The following CNTN5 variants were observed in gnomAD, a reference collection of about 807,000 sequenced individuals.
CNTN5 encodes the protein contactin 5, also known as contactin-5.
CNTN5 carries 77 observed loss-of-function variants against 129.1 expected under a neutral mutation model. The observed-to-expected ratio is 0.60, with a 90% CI of 0.50 to 0.72. The LOEUF (loss-of-function observed/expected upper bound fraction) is 0.72, where lower values mean the gene tolerates loss of function less well. Among genes scored for constraint, CNTN5 ranks in the 30% least tolerant of loss-of-function variants. CNTN5 has a pLI of 0.00. For synonymous variants in CNTN5, 509 were observed against 465.6 expected (o/e 1.09, Z -1.20); for missense variants, 1,478 against 1,328.8 (o/e 1.11, Z -1.75).
At chr11:99,895,967 T>A (rs1489587269) in intron 6 of CNTN5, among the ~76,000 whole-genome samples, 1 of 152,178 alleles carries the variant, frequency 6.6e-6, no homozygotes, top group Non-Finnish European at 1.5e-5. Flanking sequence ...AGCTCCTTAG[T>A]AGGTGGGACT....
intron 13 of CNTN5, among the ~76,000 whole-genome samples, chr11:100,148,732 C>T (rs1946942661): frequency 7.2e-6 from 1 of 138,432 alleles, no homozygotes; most frequent in African/African-American, 2.8e-5. Flanking sequence ...AACAAACAAA[C>T]ACGTGTGGAT....
intron 6 of CNTN5, among the ~76,000 whole-genome samples, chr11:99,872,092 C>T (rs923041459): frequency 3.3e-5 from 5 of 151,878 alleles, no homozygotes; most frequent in African/African-American, 9.7e-5. Context: ...TTGACCATTG[C>T]CTGTCATCTG....
At chr11:100,080,178 T>C (rs1382694415) in intron 13 of CNTN5, among the ~76,000 whole-genome samples, 2 of 152,166 alleles carry the variant, frequency 1.3e-5, no homozygotes, top group East Asian at 1.9e-4. Context: ...CACTAGTTTT[T>C]ATGCCCAGGC....
intron 15 of CNTN5, among the ~76,000 whole-genome samples, chr11:100,196,741 A>G (rs905361297): frequency 6.6e-6 from 1 of 152,044 alleles, no homozygotes; most frequent in Non-Finnish European, 1.5e-5. Context: ...CATTATTGGA[A>G]GTCACTGTTG....
At chr11:99,629,635 T>A (rs1431935413) in intron 3 of CNTN5, among the ~76,000 whole-genome samples, 5 of 150,574 alleles carry the variant, frequency 3.3e-5, no homozygotes, top group African/African-American at 1.2e-4. Flanking sequence ...CATCAAAAAA[T>A]TAACAATTGA....
In CNTN5 at chr11:99,322,466, C is replaced by A. The variant is rs187386125; in HGVS notation, c.-209-2880C>A. Among the ~76,000 whole-genome samples the A allele has an allele frequency of 8.5e-5, 13 of 152,258 alleles. 1 individual carries two copies. Among genetic ancestry groups the A allele is most frequent in the Admixed American group, 7.9e-4 (12 of 15,286 alleles). ...ACCAGGATTTTAACATGAATAGAAG[C>A]TCTTCAGGTGGACAGGGGTGGCAAG... is the stretch of plus-strand genomic sequence containing the variant. On this transcript the variant is annotated intron_variant, in intron 1 of 24. Transcript: ENST00000524871.
At chr11:100,350,398 C>T (rs1170783619) in intron 23 of CNTN5, among the ~76,000 whole-genome samples, 8 of 151,468 alleles carry the variant, frequency 5.3e-5, no homozygotes, top group Admixed American at 1.3e-4. Flanking sequence ...TTTATCTTAC[C>T]TCTTTCTGGA....
chr11:99,345,666 G>T (rs1384912994), intron 2 of CNTN5, among the ~76,000 whole-genome samples: 1 of 152,180 alleles, frequency 6.6e-6, no homozygotes, highest in Non-Finnish European at 1.5e-5. Flanking sequence ...TTCCATCTGA[G>T]AAGATATGTT....
At chr11:99,503,360 A>G (rs2135388697) in intron 2 of CNTN5, among the ~76,000 whole-genome samples, 1 of 152,324 alleles carries the variant, frequency 6.6e-6, no homozygotes, top group South Asian at 2.1e-4. Flanking sequence ...TTTGTTCCCA[A>G]GAAAAGACAG....
intron 9 of CNTN5, among the ~76,000 whole-genome samples, chr11:100,060,887 C>T (rs1300267572): frequency 6.7e-6 from 1 of 150,126 alleles, no homozygotes; most frequent in Admixed American, 6.7e-5. Context: ...GTGATCTGCC[C>T]GCCTTGGCCT....
intron 9 of CNTN5, among the ~76,000 whole-genome samples, chr11:100,044,475 C>T (rs999217010): frequency 1.4e-5 from 2 of 146,934 alleles, no homozygotes; most frequent in African/African-American, 5.0e-5. Context: ...TCCCTTTTCT[C>T]TGCAACTTTG....
At chr11:100,127,995 G>A (rs1946250276) in intron 13 of CNTN5, among the ~76,000 whole-genome samples, 1 of 151,798 alleles carries the variant, frequency 6.6e-6, no homozygotes, top group African/African-American at 2.4e-5. Context: ...AGGAATAATG[G>A]CTACTCTGAG....
chr11:100,208,983 G>A (rs1013862046), intron 15 of CNTN5, among the ~76,000 whole-genome samples: 1 of 152,166 alleles, frequency 6.6e-6, no homozygotes, highest in Non-Finnish European at 1.5e-5. Context: ...GCTAGTCCAA[G>A]CTATGTCGCG....
intron 7 of CNTN5, among the ~76,000 whole-genome samples, chr11:99,917,542 G>C (rs777708758): frequency 1.1e-4 from 16 of 151,878 alleles, no homozygotes; most frequent in Non-Finnish European, 1.8e-4. Context: ...AGAAGGGGAA[G>C]GAGAAAGAGA....
At position 99,820,033 on chromosome 11, in the gene CNTN5, GA is replaced by G. The variant is rs111997488; in HGVS notation, c.277+269del. On this transcript the variant is annotated intron_variant, in intron 4 of 24. Transcript: ENST00000524871. ...AGTTAGGCTACTACCTTTTCATAGA[GA>G]CTGGGAGATAGAGAACCTGTTTCTT... 1.2e-3 allele frequency among the ~76,000 whole-genome samples: 186 copies of G among 152,294 alleles called. 1 individual carries two copies. The highest frequency in any genetic ancestry group is 4.2e-3 in the African/African-American group (173 of 41,574).
At chr11:99,031,998 T>G in intron 1 of CNTN5, among the ~76,000 whole-genome samples, 1 of 146,500 alleles carries the variant, frequency 6.8e-6, no homozygotes, top group Non-Finnish European at 1.5e-5. Context: ...TTCCCACCTA[T>G]GAGTGAGAAT....
At chr11:100,046,646 T>G (rs1163313836) in intron 9 of CNTN5, among the ~76,000 whole-genome samples, 1 of 152,176 alleles carries the variant, frequency 6.6e-6, no homozygotes, top group Admixed American at 6.5e-5. Context: ...ATAAAACATA[T>G]GTATTCATTA....
chr11:99,167,259 C>A (rs946817687), intron 1 of CNTN5, among the ~76,000 whole-genome samples: 1 of 152,004 alleles, frequency 6.6e-6, no homozygotes, highest in African/African-American at 2.4e-5. Flanking sequence ...AAAATTCCTA[C>A]AAACTGACTC....
At chr11:99,637,980 T>A (rs1238898128) in intron 3 of CNTN5, among the ~76,000 whole-genome samples, 1 of 152,182 alleles carries the variant, frequency 6.6e-6, no homozygotes, top group African/African-American at 2.4e-5. Context: ...CATCTCATAA[T>A]GATGTTTCAG....
Sources: gnomAD v4.1 joint callset for allele counts (sites outside exome capture counted in the v4.1 genomes callset) on GRCh38, gnomAD v4.1.1 for gene constraint, MANE v1.5 for transcripts, NCBI Gene and HGNC (gene_info 2026-07-23, HGNC 2026-07-21) for gene names.